The following OXSR1 variants were observed in gnomAD, a reference collection of about 807,000 sequenced individuals.
OXSR1 encodes the protein oxidative stress responsive kinase 1, also known as serine/threonine-protein kinase OSR1.
OXSR1 carries 24 observed loss-of-function variants against 79.8 expected under a neutral mutation model. The observed-to-expected ratio is 0.30, with a 90% CI of 0.22 to 0.42. OXSR1 has a LOEUF of 0.42. Among genes scored for constraint, OXSR1 ranks in the 10% least tolerant of loss-of-function variants. The probability of loss-of-function intolerance (pLI) is 1.00; values close to 1 mark genes in which losing one functional copy is unlikely to be tolerated. For missense variants in OXSR1, 430 were observed against 618.4 expected (o/e 0.70, Z 3.23); for synonymous variants, 226 against 209.2 (o/e 1.08, Z -0.69).
At chr3:38,188,091 C>T (rs1038015335) in intron 2 of OXSR1, among the ~76,000 whole-genome samples, 1 of 152,180 alleles carries the variant, frequency 6.6e-6, no homozygotes, top group African/African-American at 2.4e-5. Flanking sequence ...ATTTAAGCCC[C>T]TTTTCATCTT....
intron 3 of OXSR1, among the ~76,000 whole-genome samples, chr3:38,195,371 G>A (rs1702054964): frequency 6.6e-6 from 1 of 152,158 alleles, no homozygotes; most frequent in Non-Finnish European, 1.5e-5. Flanking sequence ...TCTAAAGGAG[G>A]ATCCAGGTAA....
Position 38,224,742 on chromosome 3 carries a change from A to G in OXSR1, c.836+38A>G, listed in dbSNP as rs755001288. The G allele has an allele frequency of 2.1e-6, 3 of 1,400,312 alleles. No individual in the cohort carries two copies. The Admixed American group carries it at 7.1e-5, about 33-fold the overall frequency. 86.7% of individuals were successfully genotyped at this position (1,400,312 alleles called of 1,614,324 possible). A position where few individuals can be genotyped will look rare whatever the true frequency, so the allele number is the denominator to read the frequency against. ...AAAAAGTCTACTTTTCTCTCTAATAAAACATTGTGAGAAGTCTAAGAATCA... is the reference window on the plus strand; with the variant it reads ...AAAAAGTCTACTTTTCTCTCTAATAGAACATTGTGAGAAGTCTAAGAATCA... On this transcript the variant is annotated intron_variant, in intron 8 of 17. Transcript: ENST00000311806.
chr3:38,248,338 G>GCC (rs34969862), intron 14 of OXSR1, among the ~76,000 whole-genome samples: 7 of 69,684 alleles, frequency 1.0e-4, no homozygotes, highest in African/African-American at 3.3e-4. Context: ...TCCCTGCCCC[G>GCC]CCCCCCCCGC....
intron 14 of OXSR1, among the ~76,000 whole-genome samples, chr3:38,248,699 G>T (rs1703194572): frequency 1.3e-5 from 2 of 152,128 alleles, no homozygotes; most frequent in Admixed American, 1.3e-4. Flanking sequence ...CCATAAATGT[G>T]AAAAACATAT....
chr3:38,166,361 C>T (rs1701456196), intron 1 of OXSR1, among the ~76,000 whole-genome samples: 1 of 152,106 alleles, frequency 6.6e-6, no homozygotes, highest in Non-Finnish European at 1.5e-5. Flanking sequence ...TTAAGTTTTT[C>T]CTCCATCCGT....
At chr3:38,236,800 G>C (rs1386330723) in intron 10 of OXSR1, 39 bp from the exon 11 acceptor site, 7 of 1,543,744 alleles carry the variant, frequency 4.5e-6, no homozygotes, top group African/African-American at 1.4e-5. Flanking sequence ...TAGTAAGCAT[G>C]AAATACCACC....
chr3:38,196,569 A>G (rs1025233707), intron 3 of OXSR1, among the ~76,000 whole-genome samples: 3 of 152,242 alleles, frequency 2.0e-5, no homozygotes, highest in Non-Finnish European at 2.9e-5. Flanking sequence ...ACTTTGTTCA[A>G]AATGTCTGTT....
chr3:38,227,132 T>C (rs1321833337), intron 8 of OXSR1, among the ~76,000 whole-genome samples: 5 of 152,180 alleles, frequency 3.3e-5, no homozygotes, highest in African/African-American at 1.2e-4. Flanking sequence ...AGAACATTGC[T>C]AAGTTAAAAT....
chr3:38,218,993 A>G (rs1361521932), intron 5 of OXSR1, among the ~76,000 whole-genome samples: 1 of 152,162 alleles, frequency 6.6e-6, no homozygotes, highest in Admixed American at 6.5e-5. Flanking sequence ...GAAGGAACTA[A>G]ATTATTTTTT....
chr3:38,232,671 G>A (rs1331706347), intron 10 of OXSR1, among the ~76,000 whole-genome samples: 1 of 152,042 alleles, frequency 6.6e-6, no homozygotes, highest in African/African-American at 2.4e-5. Flanking sequence ...GAGGTGGGAG[G>A]ATTGTTTGAG....
At chr3:38,197,474 G>A (rs1332034347) in intron 3 of OXSR1, among the ~76,000 whole-genome samples, 1 of 152,286 alleles carries the variant, frequency 6.6e-6, no homozygotes, top group South Asian at 2.1e-4. Flanking sequence ...GGAGCTCTGG[G>A]TAGGGATCAC....
chr3:38,196,997 T>C (rs1702082441), intron 3 of OXSR1, among the ~76,000 whole-genome samples: 1 of 152,268 alleles, frequency 6.6e-6, no homozygotes, highest in African/African-American at 2.4e-5. Context: ...ATGATCATTG[T>C]TAATATAATT....
intron 5 of OXSR1, among the ~76,000 whole-genome samples, chr3:38,220,179 A>G (rs997720908): frequency 3.3e-5 from 5 of 152,048 alleles, no homozygotes; most frequent in Admixed American, 1.3e-4. Flanking sequence ...AAACTGTACT[A>G]TATAGACTTG....
At chr3:38,206,575 A>G (rs1575335593) in intron 4 of OXSR1, among the ~76,000 whole-genome samples, 2 of 152,042 alleles carry the variant, frequency 1.3e-5, no homozygotes, top group South Asian at 2.1e-4. Context: ...GCTATTCGCT[A>G]TAGAAACTCT....
intron 1 of OXSR1, among the ~76,000 whole-genome samples, chr3:38,175,419 C>T (rs954243253): frequency 6.6e-6 from 1 of 152,200 alleles, no homozygotes; most frequent in Admixed American, 6.5e-5. Context: ...CCCACCTTAG[C>T]CTCCCAAGTA....
intron 4 of OXSR1, 94 bp from the exon 5 acceptor site, chr3:38,216,002 T>C: frequency 1.4e-6 from 1 of 730,660 alleles, no homozygotes; most frequent in East Asian, 2.7e-5. Context: ...TAAATATTGC[T>C]AGTATTACAT....
chr3:38,246,100 G>A lies in OXSR1; in HGVS notation c.1136G>A (p.Gly379Asp), dbSNP rs1173133062. ...CTCTTTCCAACAACTGATCCTGTGGGTACTTTGCTCCAAGTTCCAGAACAG... is the reference window on the plus strand; with the variant it reads ...CTCTTTCCAACAACTGATCCTGTGGATACTTTGCTCCAAGTTCCAGAACAG... ...SELFPTTDPVGTLLQVPEQIS... is the reference protein window; with the variant it reads ...SELFPTTDPVDTLLQVPEQIS... The change falls in exon 13 of 18, where the codon GGT (glycine) becomes GAT (aspartate). Residue 379 changes from glycine to aspartate, a missense_variant. Coordinates refer to ENST00000311806, the MANE Select transcript of OXSR1 (RefSeq NM_005109.3). The A allele has an allele frequency of 5.6e-6, 9 of 1,613,536 alleles. No individual in the cohort carries two copies. Among genetic ancestry groups the A allele is most frequent in the South Asian group, 2.2e-5 (2 of 91,062 alleles).
intron 3 of OXSR1, chr3:38,193,331 A>G (rs1332665429): frequency 3.9e-6 from 5 of 1,289,178 alleles, no homozygotes; most frequent in Non-Finnish European, 5.1e-6. Flanking sequence ...TGTTCATATG[A>G]TGGTTGGAAG....
chr3:38,173,426 C>G (rs1187874391), intron 1 of OXSR1, among the ~76,000 whole-genome samples: 1 of 152,128 alleles, frequency 6.6e-6, no homozygotes, highest in African/African-American at 2.4e-5. Context: ...TATTTCTAGG[C>G]CCTACTCTGC....
Sources: allele counts gnomAD v4.1 joint callset (sites outside exome capture counted in the v4.1 genomes callset), GRCh38; gene constraint gnomAD v4.1.1; transcripts MANE v1.5; gene names NCBI Gene and HGNC (gene_info 2026-07-23, HGNC 2026-07-21).